The following SCCPDH variants were observed in gnomAD, a reference collection of about 807,000 sequenced individuals.
SCCPDH encodes the protein saccharopine dehydrogenase-like oxidoreductase.
In SCCPDH, 34 loss-of-function variants were observed where a neutral mutation model predicts 51.5. The observed-to-expected ratio is 0.66, with a 90% CI of 0.50 to 0.88. SCCPDH has a LOEUF of 0.88. SCCPDH is among the 40% of genes least tolerant of loss of function. SCCPDH has a pLI of 0.00. For missense variants in SCCPDH, 464 were observed against 527.1 expected (o/e 0.88, Z 1.17); for synonymous variants, 187 against 191.3 (o/e 0.98, Z 0.19).
chr1:246,758,832 T>C (rs1422748955), intron 6 of SCCPDH, among the ~76,000 whole-genome samples: 1 of 152,134 alleles, frequency 6.6e-6, no homozygotes, highest in African/African-American at 2.4e-5. Context: ...GTTTTTTTTT[T>C]CTTTTGAGAC....
chr1:246,731,994 C>A (rs888405758), intron 2 of SCCPDH, among the ~76,000 whole-genome samples: 1 of 151,824 alleles, frequency 6.6e-6, no homozygotes, highest in Non-Finnish European at 1.5e-5. Flanking sequence ...ATAGTTTGCT[C>A]AGAATGATGG....
intron 4 of SCCPDH, among the ~76,000 whole-genome samples, chr1:246,742,921 G>C (rs1405596007): frequency 6.6e-6 from 1 of 151,702 alleles, no homozygotes; most frequent in Non-Finnish European, 1.5e-5. Context: ...CTTTTTCCTG[G>C]CTTGGTTTCC....
Position 246,740,383 on chromosome 1 carries a change from T to C in SCCPDH, c.514+82T>C, listed in dbSNP as rs1483442144. The stretch of plus-strand genomic sequence containing the variant: ...TGTTTCTAACTGTGGTGAACTAAAA[T>C]CTAGTTGAAAAAAGAAACATAGCCA... On this transcript the variant is annotated intron_variant, in intron 4 of 11. Coordinates refer to ENST00000366510, the MANE Select transcript of SCCPDH (RefSeq NM_016002.3). 4.0e-6 allele frequency: 5 copies of C among 1,263,284 alleles called. No individual in the cohort carries two copies. The East Asian group carries it at 7.4e-5, about 19-fold the overall frequency. 78.3% of individuals were successfully genotyped at this position (1,263,284 alleles called of 1,614,324 possible). A position where few individuals can be genotyped will look rare whatever the true frequency, so the allele number is the denominator to read the frequency against.
At chr1:246,727,062 T>C (rs529715143) in intron 2 of SCCPDH, 58 bp downstream of exon 2, 4 of 1,291,194 alleles carry the variant, frequency 3.1e-6, no homozygotes, top group East Asian at 2.3e-5. Context: ...TCTAGCAAAA[T>C]ATTCCAGAGG....
In SCCPDH at chr1:246,760,003, T is replaced by C. The variant is rs1352816244; in HGVS notation, c.860T>C (p.Ile287Thr). Reference sequence around the variant, plus strand: ...ACTGTGGGAGGCATCACCTCTGTTATTAAGCTGATGTTTGCAGGACTTTTC... The same window carrying C: ...ACTGTGGGAGGCATCACCTCTGTTACTAAGCTGATGTTTGCAGGACTTTTC... ...YVTVGGITSV[I>T]KLMFAGLFFL... Residue 287 changes from isoleucine to threonine, a missense_variant, in exon 8 of 12, where the codon ATT (isoleucine) becomes ACT (threonine). Transcript: ENST00000366510. 1.2e-6 allele frequency: 2 copies of C among 1,613,616 alleles called. No homozygotes were observed. The highest frequency in any genetic ancestry group is 2.2e-5 in the East Asian group (1 of 44,860).
intron 3 of SCCPDH, among the ~76,000 whole-genome samples, chr1:246,736,504 A>T (rs943496436): frequency 6.6e-6 from 1 of 152,086 alleles, no homozygotes; most frequent in African/African-American, 2.4e-5. Flanking sequence ...GATCGAGACC[A>T]TCCTGGCCAA....
At chr1:246,751,773 C>G (rs544532124) in intron 5 of SCCPDH, among the ~76,000 whole-genome samples, 53 of 97,708 alleles carry the variant, frequency 5.4e-4, no homozygotes, top group African/African-American at 2.0e-3. Flanking sequence ...TACATAAATT[C>G]TCCTTTTTTT....
intron 3 of SCCPDH, among the ~76,000 whole-genome samples, chr1:246,737,495 C>CA (rs1668613237): frequency 6.6e-6 from 1 of 151,718 alleles, no homozygotes; most frequent in African/African-American, 2.4e-5. Context: ...AAAACAAAAA[C>CA]AAAAAACAAT....
intron 2 of SCCPDH, among the ~76,000 whole-genome samples, chr1:246,734,288 G>T (rs891843733): frequency 1.2e-4 from 19 of 152,324 alleles, no homozygotes; most frequent in African/African-American, 4.6e-4. Context: ...AATCCACTGG[G>T]TGCAGAAAGC....
At chr1:246,746,633 G>T (rs953646781) in intron 5 of SCCPDH, among the ~76,000 whole-genome samples, 2 of 152,154 alleles carry the variant, frequency 1.3e-5, no homozygotes, top group African/African-American at 4.8e-5. Flanking sequence ...TTGAGGTCAG[G>T]AGTTTGAGAC....
At chr1:246,752,099 T>C (rs111248885) in intron 5 of SCCPDH, among the ~76,000 whole-genome samples, 7,060 of 152,158 alleles carry the variant, frequency 0.046, 552 homozygotes, top group African/African-American at 0.16. Flanking sequence ...TTTTTTTTAA[T>C]GTCAAAGATG....
chr1:246,744,845 C>CG (rs926716360), intron 5 of SCCPDH, among the ~76,000 whole-genome samples: 2 of 151,900 alleles, frequency 1.3e-5, no homozygotes, highest in African/African-American at 4.8e-5. Flanking sequence ...AGGCTGGTCT[C>CG]GAATTCCTGG....
At chr1:246,736,790 A>G (rs991214610) in intron 3 of SCCPDH, among the ~76,000 whole-genome samples, 4 of 152,202 alleles carry the variant, frequency 2.6e-5, no homozygotes, top group African/African-American at 7.2e-5. Flanking sequence ...CAACCTAAAC[A>G]TTTTAAATGT....
chr1:246,752,803 T>C (rs1248333613), intron 5 of SCCPDH, among the ~76,000 whole-genome samples: 1 of 152,220 alleles, frequency 6.6e-6, no homozygotes, highest in Admixed American at 6.5e-5. Context: ...TCTGATAAGT[T>C]TGTTCCTGCC....
chr1:246,755,865 C>T (rs1455425252), intron 5 of SCCPDH: 1 of 152,188 alleles, frequency 6.6e-6, no homozygotes, highest in African/African-American at 2.4e-5. Flanking sequence ...TCCCAGCAGG[C>T]CTCCGGGCTT....
chr1:246,755,161 G>A (rs1668911185), intron 5 of SCCPDH, among the ~76,000 whole-genome samples: 1 of 152,156 alleles, frequency 6.6e-6, no homozygotes, highest in African/African-American at 2.4e-5. Flanking sequence ...TAAATTGAAG[G>A]ATCCAGCGTA....
chr1:246,760,703 G>A (rs115102714), intron 9 of SCCPDH, among the ~76,000 whole-genome samples: 62 of 152,134 alleles, frequency 4.1e-4, no homozygotes, highest in Admixed American at 1.6e-3. Flanking sequence ...ATTTTCTACC[G>A]TTTGGCTTAC....
intron 5 of SCCPDH, among the ~76,000 whole-genome samples, chr1:246,747,077 T>C (rs1320388365): frequency 1.3e-5 from 2 of 152,196 alleles, no homozygotes; most frequent in Non-Finnish European, 2.9e-5. Flanking sequence ...ACCAAATGCC[T>C]GAGAGTAAAT....
At chr1:246,749,462 T>G (rs966591755) in intron 5 of SCCPDH, among the ~76,000 whole-genome samples, 3 of 152,128 alleles carry the variant, frequency 2.0e-5, no homozygotes, top group Admixed American at 6.5e-5. Context: ...ATGAAGTACA[T>G]TTCAAAGGAT....
Sources: allele counts gnomAD v4.1 joint callset (sites outside exome capture counted in the v4.1 genomes callset), GRCh38; gene constraint gnomAD v4.1.1; transcripts MANE v1.5; gene names NCBI Gene and HGNC (gene_info 2026-07-23, HGNC 2026-07-21).